CPNE4: variants seen among roughly 807,000 people sequenced by gnomAD.
The protein encoded by CPNE4 is copine-4.
Under a neutral mutation model 67.9 loss-of-function variants are expected in CPNE4, and 25 were observed. The ratio of observed to expected loss-of-function variants is 0.37; its 90% CI spans 0.27 to 0.51. The LOEUF (loss-of-function observed/expected upper bound fraction) is 0.51, where lower values mean the gene tolerates loss of function less well. Among genes scored for constraint, CPNE4 ranks in the 20% least tolerant of loss-of-function variants. CPNE4 has a pLI of 0.93. For missense variants in CPNE4, 464 were observed against 690.8 expected, an observed-to-expected ratio of 0.67 and a Z score of 3.68; for synonymous variants, 242 against 244.9, an observed-to-expected ratio of 0.99 and a Z score of 0.11.
At chr3:131,885,516 ATATTT>A (rs2087845377) in intron 2 of CPNE4, among the ~76,000 whole-genome samples, 1 of 151,462 alleles carries the variant, frequency 6.6e-6, no homozygotes, top group Non-Finnish European at 1.5e-5. Flanking sequence ...TTTGTTTTTC[ATATTT>A]TAAATTTTTT....
intron 3 of CPNE4, 54 bp from the exon 4 acceptor site, chr3:131,700,034 T>A: frequency 9.8e-7 from 1 of 1,023,264 alleles, no homozygotes; most frequent in Non-Finnish European, 1.5e-6. Context: ...GTCATTTAAC[T>A]GTAGATCTAT....
chr3:131,882,379 T>G (rs1164878495), intron 2 of CPNE4, among the ~76,000 whole-genome samples: 2 of 152,204 alleles, frequency 1.3e-5, no homozygotes, highest in Non-Finnish European at 2.9e-5. Context: ...ATTGTATGAC[T>G]GAGGCAAGAG....
chr3:131,995,904 T>G (rs1255666351), intron 1 of CPNE4, among the ~76,000 whole-genome samples: 1 of 152,180 alleles, frequency 6.6e-6, no homozygotes, highest in East Asian at 1.9e-4. Flanking sequence ...ACTTGCAGTA[T>G]TTCATTATAT....
intron 7 of CPNE4, among the ~76,000 whole-genome samples, chr3:131,655,612 G>T (rs148684956): frequency 9.0e-4 from 137 of 152,224 alleles, no homozygotes; most frequent in Middle Eastern, 6.8e-3. Context: ...ACATAATGTT[G>T]AAGTAAAGTT....
At chr3:131,906,216 T>C (rs1424798264) in intron 1 of CPNE4, among the ~76,000 whole-genome samples, 2 of 131,516 alleles carry the variant, frequency 1.5e-5, no homozygotes, top group African/African-American at 2.7e-5. Context: ...TTTTTTGTTG[T>C]TGTTGTTTTG....
intron 1 of CPNE4, among the ~76,000 whole-genome samples, chr3:131,984,676 G>A (rs2072999306): frequency 6.6e-6 from 1 of 152,108 alleles, no homozygotes; most frequent in Non-Finnish European, 1.5e-5. Context: ...CTTTCCTTAA[G>A]GGCTTGTTCT....
chr3:131,570,665 T>G (rs1937292173), intron 10 of CPNE4, among the ~76,000 whole-genome samples: 1 of 152,064 alleles, frequency 6.6e-6, no homozygotes, highest in Admixed American at 6.6e-5. Context: ...GCTCTAGAGT[T>G]CTTATGACTT....
intron 2 of CPNE4, among the ~76,000 whole-genome samples, chr3:131,801,388 G>GTA (rs1560344081): frequency 4.4e-5 from 2 of 45,466 alleles, no homozygotes; most frequent in East Asian, 5.6e-4. Context: ...TATATATATG[G>GTA]TACATATATA....
chr3:131,726,963 G>T (rs2082015189), intron 2 of CPNE4, among the ~76,000 whole-genome samples: 1 of 152,170 alleles, frequency 6.6e-6, no homozygotes. Flanking sequence ...AAATGTGAAT[G>T]CTTATCTTCT....
Position 131,689,431 on chromosome 3 carries a change from C to T in CPNE4, c.508-3473G>A, listed in dbSNP as rs541051983. Among the ~76,000 whole-genome samples, 10 of 151,920 alleles carry T rather than the reference C, an allele frequency of 6.6e-5. No individual in the cohort carries two copies. In the East Asian group the frequency reaches 9.7e-4, roughly 15 times the overall value. ...TTCCTGGGAAGCAAGGTTGGTTCAACGTACACATATCAAAAACCATATGAT... is the reference window on the plus strand; with the variant it reads ...TTCCTGGGAAGCAAGGTTGGTTCAATGTACACATATCAAAAACCATATGAT... On this transcript the variant is annotated intron_variant, in intron 5 of 15. Coordinates refer to ENST00000429747, the MANE Select transcript of CPNE4 (RefSeq NM_130808.3).
At chr3:131,686,073 T>C in intron 5 of CPNE4, 115 bp from the exon 6 acceptor site, 1 of 638,244 alleles carries the variant, frequency 1.6e-6, no homozygotes, top group Non-Finnish European at 2.8e-6. Context: ...TTTTTATATG[T>C]GGAAGGGAGG....
intron 2 of CPNE4, among the ~76,000 whole-genome samples, chr3:131,793,840 C>A (rs58428118): frequency 0.34 from 51,611 of 151,912 alleles, 9,329 homozygotes; most frequent in African/African-American, 0.45. Context: ...GATTAGAGTC[C>A]TCATGTCAGG....
rs533572810 is a variant in CPNE4 at position 131,611,411 on chromosome 3, T to C, written c.682-23829A>G. 2.6e-5 allele frequency among the ~76,000 whole-genome samples: 4 copies of C among 152,336 alleles called. No individual in the cohort carries two copies. The South Asian group carries it at 8.3e-4, about 32-fold the overall frequency. On this transcript the variant is annotated intron_variant, in intron 7 of 15. Coordinates refer to ENST00000429747, the MANE Select transcript of CPNE4 (RefSeq NM_130808.3). Reference sequence around the variant, plus strand: ...AGGGTAATCAATCATATTGTATAAATGCTTGTCATTGGGCCACATGTGGAA... The same window carrying C: ...AGGGTAATCAATCATATTGTATAAACGCTTGTCATTGGGCCACATGTGGAA...
chr3:131,925,790 C>T (rs1032198113), intron 1 of CPNE4, among the ~76,000 whole-genome samples: 5 of 152,174 alleles, frequency 3.3e-5, no homozygotes, highest in African/African-American at 1.2e-4. Flanking sequence ...ACTGGGCAGC[C>T]TCCCCAGGGC....
chr3:131,677,360 A>G (rs1009584448), intron 6 of CPNE4, among the ~76,000 whole-genome samples: 1 of 151,696 alleles, frequency 6.6e-6, no homozygotes, highest in African/African-American at 2.4e-5. Flanking sequence ...GTTTGCAAAA[A>G]TTTTCTCCCA....
At chr3:131,928,129 C>G (rs1463884701) in intron 1 of CPNE4, among the ~76,000 whole-genome samples, 2 of 152,028 alleles carry the variant, frequency 1.3e-5, no homozygotes, top group African/African-American at 4.8e-5. Flanking sequence ...GCATATATTA[C>G]TTTTATATCA....
chr3:131,626,616 AG>A (rs1350922935), intron 7 of CPNE4, among the ~76,000 whole-genome samples: 1 of 152,262 alleles, frequency 6.6e-6, no homozygotes, highest in African/African-American at 2.4e-5. Context: ...TCTCCATACC[AG>A]AAAAGTATAA....
intron 7 of CPNE4, among the ~76,000 whole-genome samples, chr3:131,627,778 A>G (rs1176909754): frequency 1.3e-5 from 2 of 152,232 alleles, no homozygotes; most frequent in Non-Finnish European, 2.9e-5. Flanking sequence ...AGAAATAGCA[A>G]GAGAACTAGA....
chr3:131,569,432 T>G (rs2107673208), intron 10 of CPNE4, among the ~76,000 whole-genome samples: 1 of 151,978 alleles, frequency 6.6e-6, no homozygotes, highest in East Asian at 1.9e-4. Flanking sequence ...GCCAGGAGTT[T>G]GAGACCAGCT....
Sources: gnomAD v4.1 joint callset for allele counts (sites outside exome capture counted in the v4.1 genomes callset) on GRCh38, gnomAD v4.1.1 for gene constraint, MANE v1.5 for transcripts, NCBI Gene and HGNC (gene_info 2026-07-23, HGNC 2026-07-21) for gene names.